Variants in STAT4 observed in about 807,000 individuals in gnomAD.
The protein encoded by STAT4 is signal transducer and activator of transcription 4.
In STAT4, 42 loss-of-function variants were observed where a neutral mutation model predicts 110.5. The observed-to-expected ratio is 0.38, with a 90% CI of 0.30 to 0.49. The LOEUF (loss-of-function observed/expected upper bound fraction) is 0.49. Among genes scored for constraint, STAT4 ranks in the 20% least tolerant of loss-of-function variants. The probability of loss-of-function intolerance (pLI) is 0.95; values close to 1 mark genes in which losing one functional copy is unlikely to be tolerated. For synonymous variants in STAT4, 284 were observed against 302.2 expected (o/e 0.94, Z 0.63); for missense variants, 632 against 887.9 (o/e 0.71, Z 3.66).
At chr2:191,124,349 G>A (rs1390167221) in intron 3 of STAT4, among the ~76,000 whole-genome samples, 1 of 151,738 alleles carries the variant, frequency 6.6e-6, no homozygotes, top group Non-Finnish European at 1.5e-5. Context: ...CAGCTACTCG[G>A]GAGGCTGAGG....
intron 3 of STAT4, among the ~76,000 whole-genome samples, chr2:191,106,252 C>T (rs1698277162): frequency 6.6e-6 from 1 of 151,938 alleles, no homozygotes; most frequent in Middle Eastern, 3.4e-3. Flanking sequence ...GCTTTTGTGG[C>T]TTTTTTGGCA....
rs1698637602 is a variant in STAT4, at chr2:191,118,752, A to G, written c.273+27861T>C. Among the ~76,000 whole-genome samples the G allele has an allele frequency of 2.0e-5, 3 of 152,044 alleles. No individual in the cohort carries two copies. In the South Asian group the frequency reaches 6.2e-4, roughly 32 times the overall value. ...AAATGGAATTGCTTTGTCACATTAAACTTGGATTGTTATGATCGTTTTTTG... is the reference window on the plus strand; with the variant it reads ...AAATGGAATTGCTTTGTCACATTAAGCTTGGATTGTTATGATCGTTTTTTG... On this transcript the variant is annotated intron_variant, in intron 3 of 23. Coordinates refer to ENST00000392320, the MANE Select transcript of STAT4 (RefSeq NM_003151.4).
Position 191,143,836 on chromosome 2 carries a change from A to T in STAT4, c.273+2777T>A, listed in dbSNP as rs982626064. On this transcript the variant is annotated intron_variant, in intron 3 of 23. Transcript: ENST00000392320. The surrounding 1 kb of genome is among the most constrained non-coding windows in gnomAD (Gnocchi z 5.6). ...TGGGGAAGAGAGGATCTTATTTTTTAAAAAAGACTCATCATACCACCCTTC... is the reference window on the plus strand; with the variant it reads ...TGGGGAAGAGAGGATCTTATTTTTTTAAAAAGACTCATCATACCACCCTTC... Among the ~76,000 whole-genome samples the T allele has an allele frequency of 6.6e-6, 1 of 151,574 alleles. No individual in the cohort carries two copies. Among genetic ancestry groups the T allele is most frequent in the African/African-American group, 2.4e-5 (1 of 41,180 alleles).
intron 3 of STAT4, among the ~76,000 whole-genome samples, chr2:191,114,347 C>T (rs1434584127): frequency 6.6e-6 from 1 of 152,094 alleles, no homozygotes; most frequent in Non-Finnish European, 1.5e-5. Context: ...AGGTTCCTTG[C>T]ATATCTAAAA....
chr2:191,048,910 T>C (rs1390739948), intron 14 of STAT4, among the ~76,000 whole-genome samples: 2 of 151,460 alleles, frequency 1.3e-5, no homozygotes, highest in Non-Finnish European at 2.9e-5. Flanking sequence ...TTACATTATA[T>C]GGTACATCAC....
rs11410725 is a variant in STAT4, at chr2:191,049,167, CTT to C, written c.1251+5321_1251+5322del. ...AGAATATATTAACAAATGGTAATAG[CTT>C]TTTTTTTTTTTTTTTTTTTTTGAGA... On this transcript the variant is annotated intron_variant, in intron 14 of 23. Transcript: ENST00000392320. Among the ~76,000 whole-genome samples, 88 of 104,130 alleles carry C rather than the reference CTT, an allele frequency of 8.5e-4. 1 individual carries two copies. The highest frequency in any genetic ancestry group is 2.4e-3 in the African/African-American group (67 of 28,036). The allele number at this position is 104,130 out of a possible 152,430, so 68.3% of individuals were successfully genotyped here.
At chr2:191,088,755 G>T (rs1046654680) in intron 3 of STAT4, among the ~76,000 whole-genome samples, 1 of 152,144 alleles carries the variant, frequency 6.6e-6, no homozygotes, top group Non-Finnish European at 1.5e-5. Flanking sequence ...AGAATAGACA[G>T]TTCTGAAATG....
At position 191,061,743 on chromosome 2, in the gene STAT4, G is replaced by T. The variant is rs941296401; in HGVS notation, c.1020C>A (p.Phe340Leu). 1.9e-6 allele frequency: 3 copies of T among 1,613,860 alleles called. No homozygotes were observed. Among genetic ancestry groups the T allele is most frequent in the African/African-American group, 1.3e-5 (1 of 74,908 alleles). The change falls in exon 10 of 24, where the codon TTC becomes TTA. Residue 340 changes from phenylalanine to leucine, a missense_variant. By Grantham distance (22) the Phe-to-Leu change is conservative. Coordinates refer to ENST00000392320, the MANE Select transcript of STAT4 (RefSeq NM_003151.4). The surrounding 1 kb of genome is among the most constrained non-coding windows in gnomAD (Gnocchi z 6.2). The part of the protein sequence containing the change: ...RPLVLKTLIQ[F>L]TVKLRLLIKL... The stretch of plus-strand genomic sequence containing the variant: ...TTTTTGCCTACCTTAGTTTTACAGT[G>T]AACTGAATTAGGGTTTTAAGTACCA...
chr2:191,079,477 G>C, intron 3 of STAT4, among the ~76,000 whole-genome samples: 1 of 151,836 alleles, frequency 6.6e-6, no homozygotes, highest in Middle Eastern at 3.4e-3. Context: ...CTGTTATATA[G>C]AAATATAATT....
In STAT4 at chr2:191,135,226, A is replaced by G. The variant is rs778378331; in HGVS notation, c.273+11387T>C. Among the ~76,000 whole-genome samples the G allele has an allele frequency of 5.4e-4, 82 of 152,224 alleles. No individual in the cohort carries two copies. Among genetic ancestry groups the G allele is most frequent in the Non-Finnish European group, 1.0e-4 (7 of 68,032 alleles). On this transcript the variant is annotated intron_variant, in intron 3 of 23. Transcript: ENST00000392320. This position sits in a 1 kb window ranked among gnomAD's most constrained non-coding sequence, Gnocchi z 4.8. ...CAGAAATGAAAAAGGAGACATTACA[A>G]CTGACATCACGAAAATATAAAAGAT...
In STAT4 at chr2:191,083,100, A is replaced by G. The variant is rs1027865401; in HGVS notation, c.274-6775T>C. ...CAAAGGGGATATAGGATTCTGAGGAAACACATAACCAACAACTGTCCTAGC... is the reference window on the plus strand; with the variant it reads ...CAAAGGGGATATAGGATTCTGAGGAGACACATAACCAACAACTGTCCTAGC... On this transcript the variant is annotated intron_variant, in intron 3 of 23. Transcript: ENST00000392320. The surrounding 1 kb of genome is among the most constrained non-coding windows in gnomAD (Gnocchi z 4.6). Among the ~76,000 whole-genome samples the G allele has an allele frequency of 3.3e-5, 5 of 152,186 alleles. No homozygotes were observed. Among genetic ancestry groups the G allele is most frequent in the African/African-American group, 1.2e-4 (5 of 41,438 alleles).
At chr2:191,106,793 G>T (rs1453442758) in intron 3 of STAT4, among the ~76,000 whole-genome samples, 1 of 152,180 alleles carries the variant, frequency 6.6e-6, no homozygotes, top group Admixed American at 6.5e-5. Flanking sequence ...TTCAGGGACA[G>T]AGGAAGACTG....
In STAT4 at chr2:191,061,919, A is replaced by G. The variant is rs1038078402; in HGVS notation, c.942-98T>C. The G allele has an allele frequency of 9.6e-7, 1 of 1,037,504 alleles. No individual in the cohort carries two copies. Among genetic ancestry groups the G allele is most frequent in the African/African-American group, 1.6e-5 (1 of 61,616 alleles). 64.3% of individuals were successfully genotyped at this position (1,037,504 alleles called of 1,614,324 possible). A position where few individuals can be genotyped will look rare whatever the true frequency, so the allele number is the denominator to read the frequency against. ...AGGATGCTATCCACTCAAAGTCCAA[A>G]TTTTCTACACTTAGAAGATATTCAA... On this transcript the variant is annotated intron_variant, in intron 9 of 23. Coordinates refer to ENST00000392320, the MANE Select transcript of STAT4 (RefSeq NM_003151.4). The surrounding 1 kb of genome is among the most constrained non-coding windows in gnomAD (Gnocchi z 6.2).
chr2:191,070,354 AG>A (rs1405246854), intron 5 of STAT4, among the ~76,000 whole-genome samples: 5 of 152,154 alleles, frequency 3.3e-5, no homozygotes, highest in African/African-American at 1.2e-4. Flanking sequence ...TCTGGGCTAA[AG>A]GCTTTTTTAT....
At chr2:191,064,759 T>C (rs755683550) in intron 8 of STAT4, 48 bp downstream of exon 8, 1 of 1,582,326 alleles carries the variant, frequency 6.3e-7, no homozygotes, top group South Asian at 1.2e-5. Context: ...CACTGAAGTT[T>C]TGTGTTTCCT....
intron 3 of STAT4, among the ~76,000 whole-genome samples, chr2:191,103,252 T>C (rs927383231): frequency 1.3e-5 from 2 of 152,170 alleles, no homozygotes; most frequent in African/African-American, 4.8e-5. Flanking sequence ...CATGTGTCTT[T>C]AGGTAATGTT....
intron 3 of STAT4, among the ~76,000 whole-genome samples, chr2:191,106,070 C>T (rs918569191): frequency 3.9e-5 from 6 of 152,030 alleles, no homozygotes; most frequent in Non-Finnish European, 7.4e-5. Flanking sequence ...AGGTCATTAC[C>T]GCCTCAACTG....
At chr2:191,079,235 T>TCACACAGACACACACA (rs147894714) in intron 3 of STAT4, among the ~76,000 whole-genome samples, 9 of 151,080 alleles carry the variant, frequency 6.0e-5, no homozygotes, top group Non-Finnish European at 1.2e-4. Context: ...ACTTGTCAAG[T>TCACACAGACACACACA]CACGCACACA....
intron 3 of STAT4, among the ~76,000 whole-genome samples, chr2:191,115,488 T>C (rs1468296604): frequency 2.0e-5 from 3 of 152,204 alleles, no homozygotes; most frequent in Non-Finnish European, 4.4e-5. Flanking sequence ...GTCTGGTTCA[T>C]TTGTGCAAGA....
Sources: allele counts gnomAD v4.1 joint callset (sites outside exome capture counted in the v4.1 genomes callset), GRCh38; gene constraint gnomAD v4.1.1; non-coding constraint Gnocchi (gnomAD v3.1); transcripts MANE v1.5; gene names NCBI Gene and HGNC (gene_info 2026-07-23, HGNC 2026-07-21).